Variants in UBA2 observed in about 807,000 individuals in gnomAD.
UBA2 encodes the protein ubiquitin like modifier activating enzyme 2, also known as SUMO-activating enzyme subunit 2.
Under a neutral mutation model 77.2 loss-of-function variants are expected in UBA2, and 11 were observed. That is an observed-to-expected ratio of 0.14 (90% CI 0.09 to 0.24). The LOEUF (loss-of-function observed/expected upper bound fraction) is 0.24. Ranked by LOEUF, UBA2 falls within the 10% of genes least tolerant of loss-of-function variation. The pLI is 1.00. For missense variants in UBA2, 487 were observed against 781.7 expected, an observed-to-expected ratio of 0.62 and a Z score of 4.50; for synonymous variants, 278 against 276.7, an observed-to-expected ratio of 1.00 and a Z score of -0.05.
intron 3 of UBA2, among the ~76,000 whole-genome samples, chr19:34,432,491 A>G (rs927846685): frequency 6.6e-6 from 1 of 152,222 alleles, no homozygotes; most frequent in African/African-American, 2.4e-5. Context: ...TGTTAAAAAT[A>G]GTCCTTGTTT....
intron 14 of UBA2, among the ~76,000 whole-genome samples, chr19:34,463,656 G>A (rs765859148): frequency 2.0e-5 from 3 of 152,092 alleles, no homozygotes; most frequent in Non-Finnish European, 4.4e-5. Flanking sequence ...GCAGGCTGGA[G>A]TGCAGTGGTA....
At chr19:34,431,421 C>G (rs1293359761) in intron 2 of UBA2, among the ~76,000 whole-genome samples, 1 of 151,626 alleles carries the variant, frequency 6.6e-6, no homozygotes, top group South Asian at 2.1e-4. Flanking sequence ...CTGGCCTTTT[C>G]CTGTCATTCT....
At chr19:34,467,088 C>T in intron 16 of UBA2, 74 bp downstream of exon 16, 3 of 1,542,884 alleles carry the variant, frequency 1.9e-6, no homozygotes, top group Middle Eastern at 1.7e-4. Flanking sequence ...TTATTAGGAA[C>T]ATTGACCATA....
chr19:34,455,728 C>T (rs2075550904), intron 12 of UBA2, among the ~76,000 whole-genome samples: 1 of 152,084 alleles, frequency 6.6e-6, no homozygotes, highest in Non-Finnish European at 1.5e-5. Context: ...ACTGCAACCT[C>T]CACCTCCCAG....
rs1164854388 is a variant in UBA2, at chr19:34,469,770, CTG to C, written c.*553_*554del. ...TTTCAGTTTGTACCGCCTGGTATGT[CTG>C]TGTAAGAAGCCAATTTTTGTGTATT... On this transcript the variant is annotated 3_prime_UTR_variant, in exon 17 of 17. Transcript: ENST00000246548. 1 of 152,518 alleles carries C rather than the reference CTG, an allele frequency of 6.6e-6. No homozygotes were observed. Among genetic ancestry groups the C allele is most frequent in the South Asian group, 2.1e-4 (1 of 4,828 alleles). 9.4% of individuals were successfully genotyped at this position (152,518 alleles called of 1,614,324 possible).
At chr19:34,428,820 G>C (rs1012808307) in intron 1 of UBA2, 6 of 1,150,918 alleles carry the variant, frequency 5.2e-6, no homozygotes, top group Non-Finnish European at 6.4e-6. Context: ...CCGCCTCCCC[G>C]GCAGCGCCAA....
At chr19:34,443,983 T>G (rs1356610242) in intron 7 of UBA2, 72 bp downstream of exon 7, 1 of 1,100,656 alleles carries the variant, frequency 9.1e-7, no homozygotes, top group Non-Finnish European at 1.4e-6. Flanking sequence ...TTTTGGTAGC[T>G]TAAGGGAAAA....
chr19:34,459,388 C>T (rs1018698081), intron 13 of UBA2, among the ~76,000 whole-genome samples: 1 of 152,146 alleles, frequency 6.6e-6, no homozygotes, highest in African/African-American at 2.4e-5. Flanking sequence ...TTTGGTTTCT[C>T]TGCGTGTTGG....
chr19:34,458,946 CTT>C (rs755129421), intron 13 of UBA2, 22 bp downstream of exon 13: 14 of 1,600,724 alleles, frequency 8.7e-6, no homozygotes, highest in East Asian at 4.5e-5. Flanking sequence ...GCCTGGGTCT[CTT>C]TTCCTTTTGC....
At position 34,469,303 on chromosome 19, in the gene UBA2, G is replaced by C. The variant is rs548925335; in HGVS notation, c.*82G>C. 23 of 1,318,006 alleles carry C rather than the reference G, an allele frequency of 1.7e-5. No individual in the cohort carries two copies. Among genetic ancestry groups the C allele is most frequent in the Non-Finnish European group, 2.2e-5 (22 of 1,009,466 alleles). 81.6% of individuals were successfully genotyped at this position (1,318,006 alleles called of 1,614,324 possible). The stretch of plus-strand genomic sequence containing the variant: ...GATTGTTATGTCCTTTGTTCCAAAG[G>C]GAAAAAATTGACAGCAGTGACTTGA... On this transcript the variant is annotated 3_prime_UTR_variant, in exon 17 of 17. Transcript: ENST00000246548.
chr19:34,431,107 A>G (rs1212950371), intron 2 of UBA2, among the ~76,000 whole-genome samples: 3 of 151,954 alleles, frequency 2.0e-5, no homozygotes, highest in Admixed American at 1.3e-4. Flanking sequence ...CTGTTTGGCA[A>G]ACCCCCACTT....
intron 8 of UBA2, among the ~76,000 whole-genome samples, chr19:34,446,443 G>T (rs922001641): frequency 1.3e-5 from 2 of 151,932 alleles, no homozygotes; most frequent in East Asian, 1.9e-4. Flanking sequence ...CAGGATTTTC[G>T]TCTCTGTCCT....
intron 8 of UBA2, among the ~76,000 whole-genome samples, chr19:34,449,792 G>A (rs1047277260): frequency 6.6e-6 from 1 of 152,168 alleles, no homozygotes; most frequent in Non-Finnish European, 1.5e-5. Context: ...CAGAAGTTCT[G>A]TTGTGAAGCA....
At chr19:34,455,817 ATTT>A (rs1177703639) in intron 12 of UBA2, among the ~76,000 whole-genome samples, 7 of 151,788 alleles carry the variant, frequency 4.6e-5, no homozygotes, top group Admixed American at 2.0e-4. Flanking sequence ...TAATTTTTGT[ATTT>A]TTAGTAGAGA....
chr19:34,431,649 A>AG lies in UBA2; in HGVS notation c.223-205dup, dbSNP rs962397078. On this transcript the variant is annotated intron_variant, in intron 2 of 16. Coordinates refer to ENST00000246548, the MANE Select transcript of UBA2 (RefSeq NM_005499.3). ...AAGTGTGTTTGGTGGTACGTGGGTCAGGGGGGGCTCTCCGGTTATTTTATA... is the reference window on the plus strand; with the variant it reads ...AAGTGTGTTTGGTGGTACGTGGGTCAGGGGGGGGCTCTCCGGTTATTTTATA... Among the ~76,000 whole-genome samples the AG allele has an allele frequency of 9.4e-5, 14 of 149,266 alleles. No homozygotes were observed. The South Asian group carries it at 1.0e-3, about 11-fold the overall frequency.
chr19:34,451,659 T>G (rs1371679487), intron 9 of UBA2, among the ~76,000 whole-genome samples: 2 of 144,748 alleles, frequency 1.4e-5, no homozygotes, highest in Non-Finnish European at 3.0e-5. Context: ...GCCATTCTCC[T>G]GCCTCAGCCT....
rs777999005 is a variant in UBA2 at position 34,433,348 on chromosome 19, C to T, written c.294C>T (p.Asn98=). 29 of 1,609,592 alleles carry T rather than the reference C, an allele frequency of 1.8e-5. No homozygotes were observed. Among genetic ancestry groups the T allele is most frequent in the Non-Finnish European group, 2.5e-5 (29 of 1,177,082 alleles). ...NIVAYHDSIM[N]PDYNVEFFRQ... ...GACCTTTTTTTATTTTGTTTTGTAG[C>T]CCTGACTATAATGTGGAATTTTTCC... Residue 98 remains asparagine (N), a splice_region_variant and synonymous_variant, in exon 4 of 17, where the codon AAC becomes AAT. Transcript: ENST00000246548.
Position 34,466,915 on chromosome 19 carries a change from G to A in UBA2, c.1642G>A (p.Gly548Ser), listed in dbSNP as rs1353203903. ...LGKDVEFEVV[G>S]DAPEKVGPKQ... ...AAAGGACGTTGAATTTGAAGTTGTT[G>A]GTGATGCCCCGGAAAAAGTGGGGCC... Residue 548 changes from glycine to serine, a missense_variant, in exon 16 of 17, where the codon GGT becomes AGT. Coordinates refer to ENST00000246548, the MANE Select transcript of UBA2 (RefSeq NM_005499.3). The A allele has an allele frequency of 5.6e-6, 9 of 1,613,676 alleles. No individual in the cohort carries two copies. The highest frequency in any genetic ancestry group is 7.6e-6 in the Non-Finnish European group (9 of 1,180,004).
intron 5 of UBA2, among the ~76,000 whole-genome samples, chr19:34,437,928 G>T (rs577595735): frequency 2.0e-5 from 3 of 152,058 alleles, no homozygotes; most frequent in Non-Finnish European, 4.4e-5. Context: ...GGTGGGAGAT[G>T]CCTGTAATCC....
Sources: gnomAD v4.1 joint callset for allele counts (sites outside exome capture counted in the v4.1 genomes callset) on GRCh38, gnomAD v4.1.1 for gene constraint, MANE v1.5 for transcripts, NCBI Gene and HGNC (gene_info 2026-07-23, HGNC 2026-07-21) for gene names.